Variants in C3orf52 observed in about 807,000 individuals in gnomAD.
C3orf52 encodes chromosome 3 open reading frame 52.
In C3orf52, 22 loss-of-function variants were observed where a neutral mutation model predicts 24.8. The observed-to-expected ratio is 0.89, with a 90% CI of 0.63 to 1.27. C3orf52 has a LOEUF of 1.27. Among genes scored for constraint, C3orf52 ranks in the 50% most tolerant of loss-of-function variants. The pLI is 0.00. For missense variants in C3orf52, 265 were observed against 260.7 expected, an observed-to-expected ratio of 1.02 and a Z score of -0.11; for synonymous variants, 93 against 100.2, an observed-to-expected ratio of 0.93 and a Z score of 0.43.
chr3:112,111,233 A>G (rs1055835257), intron 4 of C3orf52, among the ~76,000 whole-genome samples: 1 of 152,176 alleles, frequency 6.6e-6, no homozygotes, highest in African/African-American at 2.4e-5. Context: ...CCCAGTGTAC[A>G]TGGTACTTAC....
chr3:112,096,596 G>A (rs550656650), intron 2 of C3orf52, among the ~76,000 whole-genome samples: 16 of 152,140 alleles, frequency 1.1e-4, no homozygotes, highest in African/African-American at 3.4e-4. Context: ...TAACTAAGAC[G>A]GAATTTCTTT....
chr3:112,089,085 A>G lies in C3orf52; in HGVS notation c.138+2540A>G, dbSNP rs142502104. On this transcript the variant is annotated intron_variant, in intron 1 of 5. Transcript: ENST00000264848. ...TGGCTGGGTCAAAAGTGAAAAATAAATTATGGGTAATAGAGTGAGGCTGGT... is the reference window on the plus strand; with the variant it reads ...TGGCTGGGTCAAAAGTGAAAAATAAGTTATGGGTAATAGAGTGAGGCTGGT... Among the ~76,000 whole-genome samples, 3 of 152,344 alleles carry G rather than the reference A, an allele frequency of 2.0e-5. No individual in the cohort carries two copies. The East Asian group carries it at 5.8e-4, about 29-fold the overall frequency.
chr3:112,127,343 A>G (rs1289178891), intron 4 of C3orf52, among the ~76,000 whole-genome samples: 1 of 152,192 alleles, frequency 6.6e-6, no homozygotes, highest in Non-Finnish European at 1.5e-5. Context: ...CTGACAAAGT[A>G]TCAATTTCTT....
chr3:112,090,668 A>G (rs1576133224), intron 1 of C3orf52, among the ~76,000 whole-genome samples: 1 of 152,108 alleles, frequency 6.6e-6, no homozygotes, highest in African/African-American at 2.4e-5. Flanking sequence ...GTCATAGAGT[A>G]ATTAGTGGTT....
downstream of C3orf52, chr3:112,132,524 A>G (rs1480931923): frequency 5.7e-6 from 2 of 348,928 alleles, no homozygotes; most frequent in Non-Finnish European, 8.1e-6. Flanking sequence ...AATACACACT[A>G]GAACTCTCTA....
At position 112,102,914 on chromosome 3, in the gene C3orf52, T is replaced by C; in HGVS notation, c.345T>C (p.Ile115=). The C allele has an allele frequency of 1.2e-6, 2 of 1,611,176 alleles. No homozygotes were observed. Among genetic ancestry groups the C allele is most frequent in the Non-Finnish European group, 1.7e-6 (2 of 1,178,726 alleles). ...AAACATTCTTCATCATGCTGAAGAT[T>C]CCAGAGGAGTGTGTTGCTGAAGAGG... ...SNKTFFIMLK[I]PEECVAEEEL... Residue 115 remains isoleucine, a synonymous_variant, in exon 3 of 6, where the codon ATT becomes ATC. Transcript: ENST00000264848.
chr3:112,133,001 G>T, downstream of C3orf52: 1 of 1,321,856 alleles, frequency 7.6e-7, no homozygotes, highest in Non-Finnish European at 1.1e-6. Flanking sequence ...CCAACTTAGT[G>T]TGCTAACTGT....
chr3:112,099,852 G>A (rs866253566), intron 2 of C3orf52, among the ~76,000 whole-genome samples: 29 of 152,150 alleles, frequency 1.9e-4, no homozygotes, highest in African/African-American at 7.0e-4. Context: ...TTACTACAAG[G>A]CACCATGCAG....
downstream of C3orf52, among the ~76,000 whole-genome samples, chr3:112,131,379 G>T (rs2074447066): frequency 6.6e-6 from 1 of 152,200 alleles, no homozygotes; most frequent in African/African-American, 2.4e-5. Context: ...GAGAGACACG[G>T]TTGGGGGGGT....
intron 4 of C3orf52, chr3:112,125,340 A>G: frequency 2.1e-6 from 2 of 936,014 alleles, no homozygotes; most frequent in East Asian, 2.4e-5. Context: ...ATAAATAACT[A>G]AAAAGCCAAG....
downstream of C3orf52, chr3:112,122,995 C>T (rs2074228731): frequency 5.5e-6 from 1 of 180,588 alleles, no homozygotes; most frequent in Non-Finnish European, 1.2e-5. Context: ...AGGAGCAACA[C>T]AGGCTCCCAT....
chr3:112,122,635 C>T (rs938558414), downstream of C3orf52: 3 of 151,992 alleles, frequency 2.0e-5, no homozygotes, highest in Non-Finnish European at 4.4e-5. Flanking sequence ...TTCTATTTAG[C>T]ATACTGGGGG....
intron 2 of C3orf52, among the ~76,000 whole-genome samples, chr3:112,100,052 T>C (rs1401081506): frequency 1.3e-5 from 2 of 152,142 alleles, no homozygotes; most frequent in Non-Finnish European, 2.9e-5. Context: ...ATCCTGGGCT[T>C]TCTCATTAAT....
chr3:112,131,113 A>C (rs1172981076), downstream of C3orf52: 1 of 152,526 alleles, frequency 6.6e-6, no homozygotes, highest in Non-Finnish European at 1.5e-5. Flanking sequence ...TATGCCAATC[A>C]TTTTGTGTGT....
chr3:112,093,373 GC>G lies in C3orf52; in HGVS notation c.156del (p.Trp53GlyfsTer16). 6.2e-7 allele frequency: 1 copy of G among 1,613,920 alleles called. No homozygotes were observed. Among genetic ancestry groups the G allele is most frequent in the Non-Finnish European group, 8.5e-7 (1 of 1,179,852 alleles). ...CTGCCTTTCTAGGCTAACAAGGAAA[GC>G]CCCTGGAGCTCCTGTAATAAGAATG... Reference protein sequence around the residue: ...EVPPAEANKESPWSSCNKNVV... With the variant: ...EVPPAEANKEXPWSSCNKNVV... On this transcript the variant is annotated frameshift_variant, in exon 2 of 6. Transcript: ENST00000264848. LOFTEE classifies it high-confidence loss of function.
chr3:112,111,494 A>G (rs1348524527), intron 4 of C3orf52: 6 of 152,292 alleles, frequency 3.9e-5, no homozygotes, highest in Non-Finnish European at 5.9e-5. Flanking sequence ...CAGCTGGGCG[A>G]AAGGCCCTGA....
intron 3 of C3orf52, among the ~76,000 whole-genome samples, chr3:112,106,537 C>T (rs2074027261): frequency 6.6e-6 from 1 of 152,236 alleles, no homozygotes; most frequent in African/African-American, 2.4e-5. Context: ...AGGAGCAGGT[C>T]TGTGTCAGGA....
Position 112,117,369 on chromosome 3 carries a change from G to A in C3orf52, c.*723G>A, listed in dbSNP as rs992263106. The stretch of plus-strand genomic sequence containing the variant: ...ACTTTGAAATCTATGTATATAGCTA[G>A]TTACAGACGGGAGCTATGTGTTTCT... On this transcript the variant is annotated 3_prime_UTR_variant, in exon 6 of 6. Coordinates refer to ENST00000264848, the MANE Select transcript of C3orf52 (RefSeq NM_024616.3). 2 of 183,928 alleles carry A rather than the reference G, an allele frequency of 1.1e-5. No individual in the cohort carries two copies. Among genetic ancestry groups the A allele is most frequent in the African/African-American group, 4.7e-5 (2 of 42,700 alleles). 11.4% of individuals were successfully genotyped at this position (183,928 alleles called of 1,614,324 possible).
At chr3:112,134,496 G>A (rs896891956), downstream of C3orf52, 1 of 152,150 alleles carries the variant, frequency 6.6e-6, no homozygotes, top group Non-Finnish European at 1.5e-5. Flanking sequence ...GAGCATGGTG[G>A]TGGCCAAGTA....
Sources: allele counts gnomAD v4.1 joint callset (sites outside exome capture counted in the v4.1 genomes callset), GRCh38; gene constraint gnomAD v4.1.1; transcripts MANE v1.5; gene names NCBI Gene and HGNC (gene_info 2026-07-23, HGNC 2026-07-21).